RPS6KA6: variants seen among roughly 807,000 people sequenced by gnomAD.
The protein encoded by RPS6KA6 is ribosomal protein S6 kinase alpha-6.
A neutral mutation model predicts 65.4 loss-of-function variants in RPS6KA6; 27 were observed. That is an observed-to-expected ratio of 0.41 (90% CI 0.30 to 0.57). The LOEUF (loss-of-function observed/expected upper bound fraction) is 0.57, where lower values mean the gene tolerates loss of function less well. Ranked by LOEUF, RPS6KA6 falls within the 20% of genes least tolerant of loss-of-function variation. The pLI is 0.24. For missense variants in RPS6KA6, 486 were observed against 555.6 expected, an observed-to-expected ratio of 0.87 and a Z score of 1.26; for synonymous variants, 190 against 184.2, an observed-to-expected ratio of 1.03 and a Z score of -0.26.
chrX:84,172,305 C>T (rs2035697462), intron 1 of RPS6KA6, among the ~76,000 whole-genome samples: 1 of 111,730 alleles, frequency 9.0e-6, no homozygotes. Context: ...AGATCCTTGA[C>T]GAATCACCGC....
At chrX:84,107,145 C>T in intron 13 of RPS6KA6, 105 bp from the exon 14 acceptor site, 1 of 564,869 alleles carries the variant, frequency 1.8e-6, no homozygotes, top group Non-Finnish European at 2.7e-6. Flanking sequence ...ATGCTACTAA[C>T]ATATTATATA....
intron 1 of RPS6KA6, among the ~76,000 whole-genome samples, chrX:84,177,488 C>T (rs1478421043): frequency 2.7e-5 from 3 of 111,765 alleles, no homozygotes. Flanking sequence ...TAAACTCGGG[C>T]ATTCTAGCTC....
chrX:84,075,035 C>G (rs935292478), intron 20 of RPS6KA6, among the ~76,000 whole-genome samples: 11 of 111,474 alleles, frequency 9.9e-5, no homozygotes, highest in African/African-American at 3.6e-4. Flanking sequence ...GAGCTCGAGA[C>G]CAGCCTGGCC....
Position 84,064,173 on chromosome X carries a change from T to A in RPS6KA6, c.*104A>T. ...AAAATGGGGATTTAATATTACTTAATATTCAAGTAATTTAGCAGACAACGA... is the reference window on the plus strand; with the variant it reads ...AAAATGGGGATTTAATATTACTTAAAATTCAAGTAATTTAGCAGACAACGA... On this transcript the variant is annotated 3_prime_UTR_variant, in exon 22 of 22. Coordinates refer to ENST00000262752, the MANE Select transcript of RPS6KA6 (RefSeq NM_014496.5). The A allele has an allele frequency of 1.1e-6, 1 of 897,840 alleles. No individual in the cohort carries two copies. Among genetic ancestry groups the A allele is most frequent in the Middle Eastern group, 2.9e-4 (1 of 3,409 alleles). The allele number at this position is 897,840 out of a possible 1,213,427, so 74.0% of individuals were successfully genotyped here.
intron 20 of RPS6KA6, among the ~76,000 whole-genome samples, chrX:84,094,531 G>A (rs1192916069): frequency 9.1e-6 from 1 of 109,452 alleles, no homozygotes; most frequent in Admixed American, 9.8e-5. Flanking sequence ...TGTAGTCCCA[G>A]CTACTTGGGA....
intron 1 of RPS6KA6, among the ~76,000 whole-genome samples, chrX:84,168,730 C>A (rs1349841607): frequency 8.9e-6 from 1 of 111,909 alleles, no homozygotes; most frequent in African/African-American, 3.2e-5. Flanking sequence ...TGGTTACTTC[C>A]TATTCATATC....
intron 6 of RPS6KA6, 123 bp from the exon 7 acceptor site, chrX:84,135,333 A>G (rs753202924): frequency 2.9e-4 from 129 of 437,304 alleles, no homozygotes; most frequent in Non-Finnish European, 4.5e-4. Flanking sequence ...AAGCACAGTC[A>G]ATTCTTATTT....
intron 20 of RPS6KA6, among the ~76,000 whole-genome samples, chrX:84,078,075 G>C (rs1343475624): frequency 8.9e-6 from 1 of 111,786 alleles, no homozygotes; most frequent in Non-Finnish European, 1.9e-5. Context: ...AGAATTAAGA[G>C]ACAATCCATA....
At chrX:84,078,552 G>C (rs1280501335) in intron 20 of RPS6KA6, among the ~76,000 whole-genome samples, 1 of 111,602 alleles carries the variant, frequency 9.0e-6, no homozygotes, top group African/African-American at 3.3e-5. Context: ...ATCAACAGGT[G>C]AACAGATGAA....
At chrX:84,079,617 T>C (rs4828243) in intron 20 of RPS6KA6, among the ~76,000 whole-genome samples, 8,320 of 110,817 alleles carry the variant, frequency 0.075, 418 homozygotes, top group Admixed American at 0.25. Flanking sequence ...GAAGTCAAAC[T>C]TGGACACTTG....
At chrX:84,132,713 G>C (rs2034922743) in intron 8 of RPS6KA6, among the ~76,000 whole-genome samples, 1 of 106,570 alleles carries the variant, frequency 9.4e-6, no homozygotes, top group Non-Finnish European at 1.9e-5. Flanking sequence ...CAAGGATGTA[G>C]ATCTTTGGGA....
rs2033279377 is a variant in RPS6KA6 at position 84,060,118 on chromosome X, G to GT, written c.*4158dup. On this transcript the variant is annotated 3_prime_UTR_variant, in exon 22 of 22. Transcript: ENST00000262752. The stretch of plus-strand genomic sequence containing the variant: ...GGAACAGTGCATCCATGAGTATAAT[G>GT]TATGTTGTGAATAATCACTATCAAT... The GT allele has an allele frequency of 9.0e-6, 1 of 111,249 alleles. No homozygotes were observed. The highest frequency in any genetic ancestry group is 3.3e-5 in the African/African-American group (1 of 30,664). 9.2% of individuals were successfully genotyped at this position (111,249 alleles called of 1,213,427 possible). A position where few individuals can be genotyped will look rare whatever the true frequency, so the allele number is the denominator to read the frequency against.
At chrX:84,139,308 C>T (rs1007521971) in intron 6 of RPS6KA6, among the ~76,000 whole-genome samples, 5 of 111,966 alleles carry the variant, frequency 4.5e-5, no homozygotes, top group South Asian at 3.7e-4. Flanking sequence ...TAAAATCTAA[C>T]GCAAGAAATC....
At chrX:84,141,563 A>G (rs952269462) in intron 6 of RPS6KA6, among the ~76,000 whole-genome samples, 1 of 111,431 alleles carries the variant, frequency 9.0e-6, no homozygotes, top group African/African-American at 3.2e-5. Flanking sequence ...TAATATCCCA[A>G]TTAAAAGACG....
chrX:84,126,540 T>C (rs113920396), intron 8 of RPS6KA6, among the ~76,000 whole-genome samples: 4,116 of 111,356 alleles, frequency 0.037, 189 homozygotes, highest in African/African-American at 0.13. Context: ...GGCTGCAGAA[T>C]ACACATTCTT....
intron 2 of RPS6KA6, among the ~76,000 whole-genome samples, chrX:84,158,182 A>G (rs1280928628): frequency 1.8e-5 from 2 of 110,726 alleles, no homozygotes; most frequent in Non-Finnish European, 3.8e-5. Context: ...CAATATTATA[A>G]AAGAAACAGG....
At position 84,187,900 on chromosome X, in the gene RPS6KA6, C is replaced by G; in HGVS notation, c.-1G>C. The G allele has an allele frequency of 4.2e-6, 5 of 1,197,228 alleles. No homozygotes were observed. Among genetic ancestry groups the G allele is most frequent in the Non-Finnish European group, 4.5e-6 (4 of 887,963 alleles). On this transcript the variant is annotated 5_prime_UTR_variant, in exon 1 of 22. Coordinates refer to ENST00000262752, the MANE Select transcript of RPS6KA6 (RefSeq NM_014496.5). ...CGTCCTGAGGAGCGAATGGTAGCAT[C>G]TCCCCTTCAGGAGCACTCAAACAGG...
At chrX:84,073,564 G>A (rs1318705726) in intron 20 of RPS6KA6, among the ~76,000 whole-genome samples, 1 of 110,865 alleles carries the variant, frequency 9.0e-6, no homozygotes, top group East Asian at 2.8e-4. Flanking sequence ...CCCAAGAAAG[G>A]AAATAATCAA....
intron 1 of RPS6KA6, among the ~76,000 whole-genome samples, chrX:84,180,610 G>GC (rs2035837049): frequency 9.0e-6 from 1 of 111,100 alleles, no homozygotes; most frequent in Non-Finnish European, 1.9e-5. Context: ...GAGCTTCTAG[G>GC]TCTTGTACTT....
Sources: gnomAD v4.1 joint callset for allele counts (sites outside exome capture counted in the v4.1 genomes callset) on GRCh38, gnomAD v4.1.1 for gene constraint, MANE v1.5 for transcripts, NCBI Gene and HGNC (gene_info 2026-07-23, HGNC 2026-07-21) for gene names.